Variants in AP3B1 observed in about 807,000 individuals in gnomAD.
The protein encoded by AP3B1 is adaptor related protein complex 3 subunit beta 1.
A neutral mutation model predicts 132.5 loss-of-function variants in AP3B1; 61 were observed. The observed-to-expected ratio is 0.46, with a 90% CI of 0.37 to 0.57. The LOEUF (loss-of-function observed/expected upper bound fraction) is 0.57, where lower values mean the gene tolerates loss of function less well. AP3B1 is among the 20% of genes least tolerant of loss of function. The pLI is 0.00. For missense variants in AP3B1, 1,120 were observed against 1,289.4 expected (o/e 0.87, Z 2.01); for synonymous variants, 388 against 438.3 (o/e 0.89, Z 1.43).
At chr5:78,222,373 C>G (rs1746216146) in intron 6 of AP3B1, 1 of 153,316 alleles carries the variant, frequency 6.5e-6, no homozygotes, top group Admixed American at 6.5e-5. Flanking sequence ...GATCCCAAGG[C>G]AGCTGCAGCA....
At chr5:78,061,719 AC>A (rs1749068661) in intron 22 of AP3B1, among the ~76,000 whole-genome samples, 1 of 152,214 alleles carries the variant, frequency 6.6e-6, no homozygotes, top group Non-Finnish European at 1.5e-5. Context: ...TCACCCATTG[AC>A]AAACTCGACA....
chr5:78,128,171 T>C lies in AP3B1; in HGVS notation c.1838-11A>G. ...GGAAATGATCTCTATCTATTAAAAATAGGGAAAAATATAAAATAAACAATA... is the reference window on the plus strand; with the variant it reads ...GGAAATGATCTCTATCTATTAAAAACAGGGAAAAATATAAAATAAACAATA... On this transcript the variant is annotated splice_polypyrimidine_tract_variant and intron_variant, in intron 16 of 26. Transcript: ENST00000255194. 1 of 1,581,756 alleles carries C rather than the reference T, an allele frequency of 6.3e-7. No individual in the cohort carries two copies. Among genetic ancestry groups the C allele is most frequent in the Non-Finnish European group, 8.7e-7 (1 of 1,153,378 alleles).
Position 78,039,080 on chromosome 5 carries a change from A to T in AP3B1, c.2772T>A (p.Leu924=). The stretch of plus-strand genomic sequence containing the variant: ...AAACATGCATTTTCATGCCTATAGG[A>T]AGTTTTTTTTCCCCTATGTGGATAT... ...IENIHIGEKK[L]PIGMKMHVFN... The change falls in exon 23 of 27, where the codon CTT becomes CTA. Residue 924 remains leucine (L), a synonymous_variant. Coordinates refer to ENST00000255194, the MANE Select transcript of AP3B1 (RefSeq NM_003664.5). The T allele has an allele frequency of 6.2e-7, 1 of 1,609,484 alleles. No individual in the cohort carries two copies.
In AP3B1 at chr5:78,141,031, G is replaced by A. The variant is rs559671976; in HGVS notation, c.1650+112C>T. On this transcript the variant is annotated intron_variant, in intron 15 of 26. Coordinates refer to ENST00000255194, the MANE Select transcript of AP3B1 (RefSeq NM_003664.5). ...CTAACATAGAACCTGAAACAAACAG[G>A]CACCTAGAAATTGTTGAATGGTCAG... 62 of 931,750 alleles carry A rather than the reference G, an allele frequency of 6.7e-5. No homozygotes were observed. The African/African-American group carries it at 9.2e-4, about 14-fold the overall frequency. The allele number at this position is 931,750 out of a possible 1,614,324, so 57.7% of individuals were successfully genotyped here. A position where few individuals can be genotyped will look rare whatever the true frequency, so the allele number is the denominator to read the frequency against.
At chr5:78,027,354 AAATGT>A in intron 24 of AP3B1, among the ~76,000 whole-genome samples, 1 of 152,158 alleles carries the variant, frequency 6.6e-6, no homozygotes, top group Non-Finnish European at 1.5e-5. Flanking sequence ...CACGGATTTG[AAATGT>A]CACCTTTATG....
intron 21 of AP3B1, among the ~76,000 whole-genome samples, chr5:78,099,480 G>C (rs1561405996): frequency 6.6e-6 from 1 of 152,172 alleles, no homozygotes; most frequent in Non-Finnish European, 1.5e-5. Flanking sequence ...AGAAACCTGG[G>C]AAAGGAGTAT....
chr5:78,169,132 T>C (rs893696798), intron 11 of AP3B1, among the ~76,000 whole-genome samples: 1 of 152,180 alleles, frequency 6.6e-6, no homozygotes, highest in African/African-American at 2.4e-5. Flanking sequence ...CACTTACTTT[T>C]CTGTCTAAAT....
chr5:78,283,878 CT>C, intron 1 of AP3B1, among the ~76,000 whole-genome samples: 1 of 152,308 alleles, frequency 6.6e-6, no homozygotes, highest in South Asian at 2.1e-4. Context: ...GCACTCCTTA[CT>C]GTGCAAACCT....
At chr5:78,139,187 C>T (rs1735169968) in intron 15 of AP3B1, among the ~76,000 whole-genome samples, 1 of 152,068 alleles carries the variant, frequency 6.6e-6, no homozygotes, top group Admixed American at 6.6e-5. Context: ...AGAAGCTTTA[C>T]TTAGTTTGAT....
At position 78,155,887 on chromosome 5, in the gene AP3B1, T is replaced by C. The variant is rs78974429; in HGVS notation, c.1473+371A>G. ...ATCTCAATTAAAAAAACAAAATCTG[T>C]GCACAAAGTGTGCTCAATGGTATTG... On this transcript the variant is annotated intron_variant, in intron 14 of 26. Transcript: ENST00000255194. Among the ~76,000 whole-genome samples, 456 of 152,280 alleles carry C rather than the reference T, an allele frequency of 3.0e-3. 4 individuals carry two copies. Among genetic ancestry groups the C allele is most frequent in the African/African-American group, 0.01 (435 of 41,546 alleles).
intron 22 of AP3B1, among the ~76,000 whole-genome samples, chr5:78,088,460 T>C (rs898403193): frequency 2.6e-5 from 4 of 152,212 alleles, no homozygotes; most frequent in Non-Finnish European, 4.4e-5. Context: ...TAGTATTTCA[T>C]TGCATAGCCC....
chr5:78,264,230 TTGAAAAAGGA>T (rs1748226053), intron 2 of AP3B1, among the ~76,000 whole-genome samples: 1 of 152,154 alleles, frequency 6.6e-6, no homozygotes, highest in African/African-American at 2.4e-5. Context: ...ACCCAGTTTT[TTGAAAAAGGA>T]TGAAATTATG....
intron 14 of AP3B1, among the ~76,000 whole-genome samples, chr5:78,144,895 G>A (rs953853960): frequency 6.6e-6 from 1 of 151,966 alleles, no homozygotes; most frequent in Admixed American, 6.6e-5. Context: ...GTGCGGTGGT[G>A]CAATCATTGC....
chr5:78,120,735 T>A (rs1316648149), intron 17 of AP3B1, among the ~76,000 whole-genome samples: 4 of 151,918 alleles, frequency 2.6e-5, no homozygotes, highest in Admixed American at 2.6e-4. Context: ...CTCCCACACA[T>A]TAATAATGGG....
intron 15 of AP3B1, among the ~76,000 whole-genome samples, chr5:78,134,603 C>G (rs1265548656): frequency 1.3e-5 from 2 of 152,160 alleles, no homozygotes; most frequent in South Asian, 4.1e-4. Context: ...TGCAATGGCG[C>G]GATCTCAGCT....
At chr5:78,123,140 C>T (rs1219438319) in intron 17 of AP3B1, among the ~76,000 whole-genome samples, 1 of 152,140 alleles carries the variant, frequency 6.6e-6, no homozygotes, top group Non-Finnish European at 1.5e-5. Flanking sequence ...AACTGGCTAG[C>T]CAGATGTAGA....
At chr5:78,236,472 T>C (rs1258074612) in intron 3 of AP3B1, among the ~76,000 whole-genome samples, 1 of 152,188 alleles carries the variant, frequency 6.6e-6, no homozygotes, top group Non-Finnish European at 1.5e-5. Context: ...ACAGGAAAGA[T>C]GGCGCTGAAT....
At chr5:78,095,671 T>C (rs1011729383) in intron 21 of AP3B1, among the ~76,000 whole-genome samples, 1 of 152,224 alleles carries the variant, frequency 6.6e-6, no homozygotes, top group Non-Finnish European at 1.5e-5. Flanking sequence ...TTTGTCCTGT[T>C]ATCTGTGTCT....
rs774098325 is a variant in AP3B1 at position 78,267,593 on chromosome 5, T to C, written c.131A>G (p.Asn44Ser). ...CTCTAACATTTGCTTTAGATCTTCA[T>C]TCCTATTACAAAAGAGAAGAAAAAA... ...FGLFSSDLKK[N>S]EDLKQMLESN... The change falls in exon 2 of 27, where the codon AAT becomes AGT. Residue 44 changes from asparagine to serine, a missense_variant and splice_region_variant. Transcript: ENST00000255194. 3.9e-5 allele frequency: 63 copies of C among 1,595,528 alleles called. No homozygotes were observed. Among genetic ancestry groups the C allele is most frequent in the Middle Eastern group, 1.7e-4 (1 of 6,044 alleles).
Sources: gnomAD v4.1 joint callset for allele counts (sites outside exome capture counted in the v4.1 genomes callset) on GRCh38, gnomAD v4.1.1 for gene constraint, MANE v1.5 for transcripts, NCBI Gene and HGNC (gene_info 2026-07-23, HGNC 2026-07-21) for gene names.